Variants in OVCH1 observed in about 807,000 individuals in gnomAD.
OVCH1 encodes ovochymase-1.
A neutral mutation model predicts 138.4 loss-of-function variants in OVCH1; 139 were observed. The ratio of observed to expected loss-of-function variants is 1.00; its 90% CI spans 0.87 to 1.16. OVCH1 has a LOEUF of 1.16. Ranked by LOEUF, OVCH1 falls within the 50% of genes most tolerant of loss-of-function variation. The pLI, the probability that OVCH1 is intolerant of heterozygous loss-of-function variation, is 0.00. For synonymous variants in OVCH1, 453 were observed against 467.8 expected, an observed-to-expected ratio of 0.97 and a Z score of 0.41; for missense variants, 1,367 against 1,357.9, an observed-to-expected ratio of 1.01 and a Z score of -0.11.
At chr12:29,440,388 CTTT>C (rs1476350927) in intron 25 of OVCH1, 1 of 177,328 alleles carries the variant, frequency 5.6e-6, no homozygotes, top group South Asian at 1.2e-4. Context: ...CTGTCCCCTT[CTTT>C]ATTTCTTTGT....
intron 1 of OVCH1, 42 bp downstream of exon 1, chr12:29,497,581 C>T (rs1943453789): frequency 1.2e-6 from 2 of 1,609,566 alleles, no homozygotes; most frequent in Non-Finnish European, 1.7e-6. Context: ...CCAGCACGCT[C>T]AGCCTCCTCC....
intron 12 of OVCH1, 74 bp from the exon 13 acceptor site, chr12:29,476,373 G>GT: frequency 8.3e-7 from 1 of 1,208,542 alleles, no homozygotes; most frequent in Non-Finnish European, 1.2e-6. Flanking sequence ...TTTCCTCTGT[G>GT]TATTTAAAGG....
chr12:29,475,954 T>C (rs1049862778), intron 13 of OVCH1, among the ~76,000 whole-genome samples: 3 of 152,242 alleles, frequency 2.0e-5, no homozygotes, highest in Non-Finnish European at 4.4e-5. Context: ...GCAGTTTCTC[T>C]GGCGACTGCC....
chr12:29,405,136 T>C, the OVCH1 span, among the ~76,000 whole-genome samples: 1 of 151,584 alleles, frequency 6.6e-6, no homozygotes, highest in Non-Finnish European at 1.5e-5. Context: ...TATTGACTAA[T>C]TCCTTTTGAG....
intron 18 of OVCH1, 87 bp from the exon 19 acceptor site, chr12:29,462,095 G>GTTGGTACAGAGC: frequency 7.1e-7 from 1 of 1,402,048 alleles, no homozygotes; most frequent in Non-Finnish European, 9.8e-7. Context: ...ATGTAGCTCT[G>GTTGGTACAGAGC]TACCAACATA....
At chr12:29,452,040 G>A (rs1941810929) in intron 21 of OVCH1, among the ~76,000 whole-genome samples, 1 of 152,016 alleles carries the variant, frequency 6.6e-6, no homozygotes, top group African/African-American at 2.4e-5. Flanking sequence ...TAAGTCCAAG[G>A]GCACCTTTGG....
downstream of OVCH1, among the ~76,000 whole-genome samples, chr12:29,407,640 G>A (rs545080255): frequency 3.9e-5 from 6 of 152,124 alleles, no homozygotes; most frequent in African/African-American, 1.4e-4. Flanking sequence ...TGTTTCTGAG[G>A]GCTCTGTTCT....
chr12:29,446,719 G>A (rs909831525), intron 22 of OVCH1, among the ~76,000 whole-genome samples: 5 of 152,116 alleles, frequency 3.3e-5, no homozygotes, highest in South Asian at 4.1e-4. Context: ...TATTGAAATA[G>A]TGCTATCAAT....
At chr12:29,406,653 G>A in the OVCH1 span, among the ~76,000 whole-genome samples, 1 of 148,750 alleles carries the variant, frequency 6.7e-6, no homozygotes, top group Admixed American at 6.8e-5. Context: ...TTTTATGGCT[G>A]CATAGTATTC....
At chr12:29,405,021 C>CAAAAAAAAAAAAAAAAAAAAAAAAA in the OVCH1 span, among the ~76,000 whole-genome samples, 2 of 80,440 alleles carry the variant, frequency 2.5e-5, no homozygotes, top group Non-Finnish European at 4.3e-5. Flanking sequence ...CACTCCACCT[C>CAAAAAAAAAAAAAAAAAAAAAAAAA]AAAAAAAAAA....
intron 16 of OVCH1, among the ~76,000 whole-genome samples, chr12:29,467,733 A>T (rs1942368817): frequency 6.6e-6 from 1 of 152,224 alleles, no homozygotes; most frequent in African/African-American, 2.4e-5. Flanking sequence ...CCTGTGTGGA[A>T]TTAACAAGAT....
rs921177685 is a variant in OVCH1 at position 29,444,179 on chromosome 12, G to T, written c.2983C>A (p.Gln995Lys). 22 of 1,610,816 alleles carry T rather than the reference G, an allele frequency of 1.4e-5. No individual in the cohort carries two copies. The highest frequency in any genetic ancestry group is 1.8e-5 in the Non-Finnish European group (21 of 1,178,092). The change falls in exon 24 of 28, where the codon CAG becomes AAG. Residue 995 changes from glutamine to lysine, a missense_variant. Gln to Lys is a moderately conservative substitution (Grantham distance 53, BLOSUM62 1). Transcript: ENST00000318184. The stretch of plus-strand genomic sequence containing the variant: ...GTTCTGTGAGAATTTCTTGGGATCT[G>T]CATGATCCCTTCTGGCTTGGTCAGA...
intron 19 of OVCH1, among the ~76,000 whole-genome samples, chr12:29,458,324 GA>G (rs144585506): frequency 6.7e-6 from 1 of 148,332 alleles, no homozygotes; most frequent in Non-Finnish European, 1.5e-5. Flanking sequence ...AGAAAACCCA[GA>G]AAAAAAATCC....
the OVCH1 span, among the ~76,000 whole-genome samples, chr12:29,407,064 G>T: frequency 6.6e-6 from 1 of 152,118 alleles, no homozygotes. Flanking sequence ...CAGTGATGAT[G>T]AGTATTTTTT....
intron 3 of OVCH1, among the ~76,000 whole-genome samples, chr12:29,420,974 G>A (rs1440467147): frequency 6.6e-6 from 1 of 152,240 alleles, no homozygotes; most frequent in Non-Finnish European, 1.5e-5. Flanking sequence ...GAGCAGATGG[G>A]TACACCCATT....
At chr12:29,469,771 G>A (rs1179940737) in intron 16 of OVCH1, among the ~76,000 whole-genome samples, 2 of 151,806 alleles carry the variant, frequency 1.3e-5, no homozygotes, top group Admixed American at 1.3e-4. Context: ...CTGCTCAGAA[G>A]GTTGAGGTGG....
At chr12:29,479,824 C>CTTTT (rs34551074) in intron 8 of OVCH1, among the ~76,000 whole-genome samples, 4 of 128,376 alleles carry the variant, frequency 3.1e-5, no homozygotes, top group East Asian at 2.3e-4. Flanking sequence ...TCTTTTTTTT[C>CTTTT]TTTTTTTTTT....
downstream of OVCH1, among the ~76,000 whole-genome samples, chr12:29,410,005 G>A (rs4444116): frequency 0.4 from 60,846 of 151,862 alleles, 13,254 homozygotes; most frequent in Middle Eastern, 0.61. Context: ...TATTGGGTGC[G>A]TATATATTTA....
At chr12:29,411,154 C>T (rs1330291861), downstream of OVCH1, among the ~76,000 whole-genome samples, 2 of 96,990 alleles carry the variant, frequency 2.1e-5, no homozygotes, top group African/African-American at 2.8e-5. Context: ...CTTTCAGCTC[C>T]GTCAGCTCCT....
Sources: allele counts gnomAD v4.1 joint callset (sites outside exome capture counted in the v4.1 genomes callset), GRCh38; gene constraint gnomAD v4.1.1; transcripts MANE v1.5; gene names NCBI Gene and HGNC (gene_info 2026-07-23, HGNC 2026-07-21).